Variants in CNTNAP2 observed in about 807,000 individuals in gnomAD.
CNTNAP2 encodes the protein contactin-associated protein-like 2.
A neutral mutation model predicts 155.2 loss-of-function variants in CNTNAP2; 98 were observed. The ratio of observed to expected loss-of-function variants is 0.63; its 90% CI spans 0.54 to 0.75. The LOEUF (loss-of-function observed/expected upper bound fraction) is 0.75. Among genes scored for constraint, CNTNAP2 ranks in the 30% least tolerant of loss-of-function variants. The pLI, the probability that CNTNAP2 is intolerant of heterozygous loss-of-function variation, is 0.00. For synonymous variants in CNTNAP2, 651 were observed against 631.2 expected (o/e 1.03, Z -0.47); for missense variants, 1,727 against 1,688.1 (o/e 1.02, Z -0.40).
At chr7:147,380,153 C>G (rs953619628) in intron 9 of CNTNAP2, among the ~76,000 whole-genome samples, 4 of 151,572 alleles carry the variant, frequency 2.6e-5, no homozygotes, top group African/African-American at 9.7e-5. Context: ...TATCTTATAT[C>G]AGAAAATTTA....
chr7:146,526,816 A>G (rs1214222566), intron 1 of CNTNAP2, among the ~76,000 whole-genome samples: 1 of 152,322 alleles, frequency 6.6e-6, no homozygotes, highest in East Asian at 1.9e-4. Flanking sequence ...ATTAAAATTT[A>G]AATATTTTAA....
chr7:147,935,371 C>T (rs560402152), intron 14 of CNTNAP2, among the ~76,000 whole-genome samples: 18 of 152,186 alleles, frequency 1.2e-4, no homozygotes, highest in Non-Finnish European at 2.4e-4. Context: ...ATGATCTGCC[C>T]GCCTCAGCCT....
chr7:146,307,547 G>A (rs1421185261), intron 1 of CNTNAP2, among the ~76,000 whole-genome samples: 1 of 152,054 alleles, frequency 6.6e-6, no homozygotes, highest in Non-Finnish European at 1.5e-5. Flanking sequence ...AAAGAACAAA[G>A]CTGGAGGCAT....
chr7:146,863,525 CTAAT>C (rs1310008446), intron 3 of CNTNAP2, among the ~76,000 whole-genome samples: 2 of 151,666 alleles, frequency 1.3e-5, no homozygotes, highest in African/African-American at 4.8e-5. Flanking sequence ...TTCAAAATAA[CTAAT>C]TAAATACAGA....
intron 1 of CNTNAP2, among the ~76,000 whole-genome samples, chr7:146,737,521 C>G (rs879755596): frequency 1.3e-5 from 2 of 152,008 alleles, no homozygotes; most frequent in Non-Finnish European, 2.9e-5. Context: ...TGAGATGGAA[C>G]AGGTATAACG....
intron 18 of CNTNAP2, among the ~76,000 whole-genome samples, chr7:148,191,526 A>G (rs777054693): frequency 2.0e-5 from 3 of 152,164 alleles, no homozygotes; most frequent in Non-Finnish European, 2.9e-5. Context: ...GGCTTCCAAA[A>G]CAAACATTGA....
At chr7:147,576,427 C>G (rs926938652) in intron 12 of CNTNAP2, among the ~76,000 whole-genome samples, 14 of 152,142 alleles carry the variant, frequency 9.2e-5, no homozygotes, top group African/African-American at 2.9e-4. Flanking sequence ...TCCAAGTGCT[C>G]TATCCTTTTA....
At chr7:148,037,169 C>T (rs1431176749) in intron 15 of CNTNAP2, among the ~76,000 whole-genome samples, 2 of 152,182 alleles carry the variant, frequency 1.3e-5, no homozygotes, top group Admixed American at 6.5e-5. Flanking sequence ...AGCACTCAAA[C>T]ATTTGAAGAC....
At chr7:147,945,847 C>CTTTTCTTTTTTTTTCT in intron 14 of CNTNAP2, among the ~76,000 whole-genome samples, 1 of 148,174 alleles carries the variant, frequency 6.7e-6, no homozygotes, top group African/African-American at 2.5e-5. Context: ...CTTCTCTTTT[C>CTTTTCTTTTTTTTTCT]TTTTCTTTTT....
intron 9 of CNTNAP2, among the ~76,000 whole-genome samples, chr7:147,349,044 T>C (rs1166925797): frequency 6.6e-6 from 1 of 151,878 alleles, no homozygotes; most frequent in East Asian, 1.9e-4. Context: ...TATAGCTAGG[T>C]AGGACGAGTA....
intron 1 of CNTNAP2, among the ~76,000 whole-genome samples, chr7:146,620,469 A>G (rs975199451): frequency 1.3e-5 from 2 of 152,192 alleles, no homozygotes; most frequent in African/African-American, 2.4e-5. Flanking sequence ...TAACATTTCT[A>G]TTCTTTTTGT....
At chr7:148,098,444 G>GA (rs61014019) in intron 15 of CNTNAP2, among the ~76,000 whole-genome samples, 35,266 of 56,332 alleles carry the variant, frequency 0.63, 13,930 homozygotes, top group Non-Finnish European at 0.73. Flanking sequence ...CTCTGTCTCA[G>GA]AAAAAAAAAA....
intron 8 of CNTNAP2, among the ~76,000 whole-genome samples, chr7:147,155,193 A>G (rs1801898952): frequency 6.6e-6 from 1 of 152,266 alleles, no homozygotes; most frequent in South Asian, 2.1e-4. Context: ...GTGCCCTTAT[A>G]AAAGAGAGCT....
At chr7:147,326,832 A>T (rs1795469635) in intron 9 of CNTNAP2, among the ~76,000 whole-genome samples, 1 of 152,214 alleles carries the variant, frequency 6.6e-6, no homozygotes, top group Admixed American at 6.5e-5. Flanking sequence ...TTTTATACTT[A>T]GCCCATTTCA....
chr7:147,060,513 G>A (rs368778462), intron 4 of CNTNAP2, among the ~76,000 whole-genome samples: 1 of 152,144 alleles, frequency 6.6e-6, no homozygotes, highest in East Asian at 1.9e-4. Flanking sequence ...ACAAGGTCAG[G>A]AGATCGAGAC....
At chr7:146,555,970 C>CA (rs1798192718) in intron 1 of CNTNAP2, among the ~76,000 whole-genome samples, 1 of 152,078 alleles carries the variant, frequency 6.6e-6, no homozygotes. Context: ...AATCCACTCT[C>CA]AAAAAAGAGA....
In CNTNAP2 at chr7:147,653,678, G is replaced by C. The variant is rs573680006; in HGVS notation, c.2098+14372G>C. ...TAAGCAGAGGGGAGGGAGGTCCTGC[G>C]CAGGAAGGCAAGGCCCTGGTGGACA... is the stretch of plus-strand genomic sequence containing the variant. On this transcript the variant is annotated intron_variant, in intron 13 of 23. Coordinates refer to ENST00000361727, the MANE Select transcript of CNTNAP2 (RefSeq NM_014141.6). Among the ~76,000 whole-genome samples, 4 of 152,262 alleles carry C rather than the reference G, an allele frequency of 2.6e-5. No homozygotes were observed. In the East Asian group the frequency reaches 7.7e-4, roughly 29 times the overall value.
chr7:147,701,947 C>T (rs1796240678), intron 13 of CNTNAP2, among the ~76,000 whole-genome samples: 1 of 151,894 alleles, frequency 6.6e-6, no homozygotes, highest in Admixed American at 6.6e-5. Context: ...CTCTAACTGC[C>T]TGCATGAATA....
intron 1 of CNTNAP2, among the ~76,000 whole-genome samples, chr7:146,347,450 T>A (rs1294715669): frequency 6.6e-6 from 1 of 152,194 alleles, no homozygotes; most frequent in African/African-American, 2.4e-5. Context: ...TTCTGCATCT[T>A]TTTTATCTCA....
Sources: allele counts gnomAD v4.1 joint callset (sites outside exome capture counted in the v4.1 genomes callset), GRCh38; gene constraint gnomAD v4.1.1; transcripts MANE v1.5; gene names NCBI Gene and HGNC (gene_info 2026-07-23, HGNC 2026-07-21).